Variants in SUSD1 observed in about 807,000 individuals in gnomAD.
The protein encoded by SUSD1 is sushi domain containing 1.
A neutral mutation model predicts 86.9 loss-of-function variants in SUSD1; 65 were observed. That is an observed-to-expected ratio of 0.75 (90% CI 0.61 to 0.92). SUSD1 has a LOEUF of 0.92. Among genes scored for constraint, SUSD1 ranks in the 40% least tolerant of loss-of-function variants. The probability of loss-of-function intolerance (pLI) is 0.00; values close to 1 mark genes in which losing one functional copy is unlikely to be tolerated. For missense variants in SUSD1, 850 were observed against 929.7 expected, an observed-to-expected ratio of 0.91 and a Z score of 1.11; for synonymous variants, 346 against 350.0, an observed-to-expected ratio of 0.99 and a Z score of 0.13.
intron 15 of SUSD1, among the ~76,000 whole-genome samples, chr9:112,050,279 C>T (rs1589574513): frequency 6.6e-6 from 1 of 152,164 alleles, no homozygotes; most frequent in African/African-American, 2.4e-5. Flanking sequence ...TCAAGAGGGG[C>T]CCTCACTGCC....
intron 8 of SUSD1, chr9:112,103,000 T>C (rs898108536): frequency 9.0e-6 from 3 of 332,082 alleles, no homozygotes; most frequent in African/African-American, 4.4e-5. Flanking sequence ...ATTAAAGAAA[T>C]AACAGAGAGT....
intron 12 of SUSD1, among the ~76,000 whole-genome samples, chr9:112,078,295 GAT>G (rs1476904166): frequency 6.6e-6 from 1 of 152,214 alleles, no homozygotes; most frequent in Non-Finnish European, 1.5e-5. Flanking sequence ...AGTGAGCCAT[GAT>G]CGTGCCTCTG....
At chr9:112,160,282 G>A (rs948275075) in intron 1 of SUSD1, among the ~76,000 whole-genome samples, 6 of 152,170 alleles carry the variant, frequency 3.9e-5, no homozygotes, top group Non-Finnish European at 7.4e-5. Flanking sequence ...AGTGGCTCAC[G>A]CCTGTAATCT....
At chr9:112,054,597 A>G (rs1828365941) in intron 14 of SUSD1, among the ~76,000 whole-genome samples, 1 of 152,180 alleles carries the variant, frequency 6.6e-6, no homozygotes, top group South Asian at 2.1e-4. Flanking sequence ...AAAAAAAAAA[A>G]AAGTTTTTTC....
chr9:112,052,065 C>G, intron 15 of SUSD1: 6 of 1,129,616 alleles, frequency 5.3e-6, no homozygotes, highest in Non-Finnish European at 6.9e-6. Flanking sequence ...ATCACTCCCT[C>G]TCACATGTCC....
chr9:112,101,994 T>C (rs991536000), intron 9 of SUSD1, among the ~76,000 whole-genome samples, 182 bp downstream of exon 9: 1 of 152,196 alleles, frequency 6.6e-6, no homozygotes, highest in Non-Finnish European at 1.5e-5. Flanking sequence ...AAATATAGTA[T>C]CTTTCTTCAA....
chr9:112,122,646 T>C (rs768110581), intron 6 of SUSD1, among the ~76,000 whole-genome samples: 10 of 152,154 alleles, frequency 6.6e-5, no homozygotes, highest in Admixed American at 3.9e-4. Context: ...TCCAAAAGAA[T>C]TGAAAACAGG....
At chr9:112,061,810 C>T (rs184696017) in intron 13 of SUSD1, among the ~76,000 whole-genome samples, 1 of 151,906 alleles carries the variant, frequency 6.6e-6, no homozygotes, top group East Asian at 1.9e-4. Flanking sequence ...TATAATATCT[C>T]ACTTTTTTTT....
intron 14 of SUSD1, among the ~76,000 whole-genome samples, 164 bp downstream of exon 14, chr9:112,058,264 G>A (rs542577139): frequency 4.8e-4 from 73 of 152,292 alleles, no homozygotes; most frequent in Middle Eastern, 3.4e-3. Flanking sequence ...TCATCTGTAA[G>A]GGTTTCACCT....
chr9:112,128,398 A>G (rs1273172342), intron 5 of SUSD1, among the ~76,000 whole-genome samples: 1 of 148,916 alleles, frequency 6.7e-6, no homozygotes, highest in Non-Finnish European at 1.5e-5. Flanking sequence ...CCGGCCTACA[A>G]TCTTTTTTTT....
chr9:112,120,929 G>A (rs1260314848), intron 6 of SUSD1, among the ~76,000 whole-genome samples: 2 of 152,230 alleles, frequency 1.3e-5, no homozygotes, highest in Non-Finnish European at 2.9e-5. Flanking sequence ...GACTCCAGCA[G>A]TTGTTCTGTG....
chr9:112,079,217 A>G (rs1247278041), intron 11 of SUSD1, among the ~76,000 whole-genome samples: 5 of 152,058 alleles, frequency 3.3e-5, no homozygotes, highest in Non-Finnish European at 5.9e-5. Flanking sequence ...TTGCAATACT[A>G]TAAATATTGT....
chr9:112,149,983 G>A (rs1370946533), intron 2 of SUSD1, among the ~76,000 whole-genome samples: 3 of 152,192 alleles, frequency 2.0e-5, no homozygotes, highest in Admixed American at 1.3e-4. Context: ...ATGGATGCTC[G>A]ATGAGTCCCC....
intron 1 of SUSD1, among the ~76,000 whole-genome samples, chr9:112,171,875 C>T (rs879664728): frequency 1.3e-5 from 2 of 152,116 alleles, no homozygotes; most frequent in Non-Finnish European, 2.9e-5. Flanking sequence ...ATGCTACCTT[C>T]GTTTTCCTTC....
chr9:112,083,290 C>T (rs1829843224), intron 10 of SUSD1, among the ~76,000 whole-genome samples: 1 of 151,976 alleles, frequency 6.6e-6, no homozygotes, highest in South Asian at 2.1e-4. Context: ...TGCAGTGGCA[C>T]AATCTCAGCT....
chr9:112,139,169 T>C (rs190930879), intron 5 of SUSD1, among the ~76,000 whole-genome samples: 1 of 152,292 alleles, frequency 6.6e-6, no homozygotes, highest in East Asian at 1.9e-4. Context: ...CTTTAAAAAT[T>C]CTATTTGTAG....
chr9:112,116,737 C>T (rs1831341168), intron 6 of SUSD1, among the ~76,000 whole-genome samples: 1 of 152,192 alleles, frequency 6.6e-6, no homozygotes, highest in Admixed American at 6.5e-5. Context: ...CTGGGAAACA[C>T]TGAAACCCAG....
chr9:112,047,990 G>A (rs1828029087), intron 15 of SUSD1, among the ~76,000 whole-genome samples: 1 of 152,130 alleles, frequency 6.6e-6, no homozygotes, highest in African/African-American at 2.4e-5. Flanking sequence ...TAGGACTAGG[G>A]TCCCCATTTT....
chr9:112,073,628 T>C (rs1043999282), intron 12 of SUSD1, among the ~76,000 whole-genome samples: 2 of 152,138 alleles, frequency 1.3e-5, no homozygotes, highest in Non-Finnish European at 2.9e-5. Flanking sequence ...GGCTCATGCC[T>C]GTAATCCCAG....
Sources: gnomAD v4.1 joint callset for allele counts (sites outside exome capture counted in the v4.1 genomes callset) on GRCh38, gnomAD v4.1.1 for gene constraint, MANE v1.5 for transcripts, NCBI Gene and HGNC (gene_info 2026-07-23, HGNC 2026-07-21) for gene names.